The following HPS4 variants were observed in gnomAD, a reference collection of about 807,000 sequenced individuals.
The protein encoded by HPS4 is BLOC-3 complex member HPS4.
HPS4 carries 44 observed loss-of-function variants against 70.3 expected under a neutral mutation model. The ratio of observed to expected loss-of-function variants is 0.63; its 90% confidence interval spans 0.49 to 0.80. The LOEUF (loss-of-function observed/expected upper bound fraction) is 0.80, where lower values mean the gene tolerates loss of function less well. HPS4 is among the 30% of genes least tolerant of loss of function. HPS4 has a pLI of 0.00. For missense variants in HPS4, 873 were observed against 884.4 expected (o/e 0.99, Z 0.16); for synonymous variants, 377 against 355.9 (o/e 1.06, Z -0.67).
At chr22:26,460,394 G>A (rs1244807444) in intron 11 of HPS4, among the ~76,000 whole-genome samples, 3 of 152,216 alleles carry the variant, frequency 2.0e-5, no homozygotes, top group African/African-American at 7.2e-5. Context: ...TGCATGTGCC[G>A]ACACGCACAC....
chr22:26,458,587 G>A lies in HPS4; in HGVS notation c.1714-10C>T. 6.2e-7 allele frequency: 1 copy of A among 1,613,918 alleles called. No homozygotes were observed. Among genetic ancestry groups the A allele is most frequent in the East Asian group, 2.2e-5 (1 of 44,874 alleles). ...CCAGGCTGCTGTGGTACTGCAAAGG[G>A]GGAGAGGGTCATGGGCTTGTAGGGC... is the stretch of plus-strand genomic sequence containing the variant. On this transcript the variant is annotated splice_polypyrimidine_tract_variant and intron_variant, in intron 11 of 13. Transcript: ENST00000398145.
chr22:26,462,293 T>C (rs891855015), intron 11 of HPS4, among the ~76,000 whole-genome samples: 2 of 152,300 alleles, frequency 1.3e-5, no homozygotes, highest in African/African-American at 4.8e-5. Flanking sequence ...GATATGGCCA[T>C]AGAGCACGAG....
intron 2 of HPS4, 120 bp downstream of exon 2, chr22:26,481,602 T>C (rs568987352): frequency 5.3e-6 from 5 of 935,470 alleles, no homozygotes; most frequent in African/African-American, 4.8e-5. Context: ...CTGAGGAAAA[T>C]GGCATTTTTA....
chr22:26,463,187 T>C (rs1165202082), intron 11 of HPS4, among the ~76,000 whole-genome samples: 1 of 152,120 alleles, frequency 6.6e-6, no homozygotes, highest in African/African-American at 2.4e-5. Flanking sequence ...CCAGGGAAGG[T>C]CAGTTTACCA....
downstream of HPS4, among the ~76,000 whole-genome samples, chr22:26,447,140 CCAAT>C (rs779341896): frequency 7.2e-5 from 11 of 152,320 alleles, no homozygotes; most frequent in South Asian, 2.1e-4. Flanking sequence ...CCAGATCTGA[CCAAT>C]CAGTCTTCCA....
chr22:26,478,737 T>G (rs2090932759), intron 3 of HPS4, among the ~76,000 whole-genome samples: 1 of 134,200 alleles, frequency 7.5e-6, no homozygotes, highest in Non-Finnish European at 1.6e-5. Context: ...CAGGCTGGTG[T>G]GCAATGGCGC....
rs2091346013 is a variant in HPS4, at chr22:26,482,178, C to A, written c.-416G>T. The A allele has an allele frequency of 1.7e-5, 4 of 238,078 alleles. No individual in the cohort carries two copies. In the South Asian group the frequency reaches 2.0e-4, roughly 12 times the overall value. 14.7% of individuals were successfully genotyped at this position (238,078 alleles called of 1,614,324 possible). On this transcript the variant is annotated 5_prime_UTR_variant, in exon 2 of 14. Coordinates refer to ENST00000398145, the MANE Select transcript of HPS4 (RefSeq NM_022081.6). ...AAATTTCTAGCTTGTCTAGTTCAAACCCATCCTGAAGACTCTTATTAAACG... is the reference window on the plus strand; with the variant it reads ...AAATTTCTAGCTTGTCTAGTTCAAAACCATCCTGAAGACTCTTATTAAACG...
At chr22:26,462,316 G>A (rs556531691) in intron 11 of HPS4, among the ~76,000 whole-genome samples, 15 of 152,324 alleles carry the variant, frequency 9.8e-5, no homozygotes, top group African/African-American at 3.6e-4. Flanking sequence ...ACAGAAGGCA[G>A]GACACTGACC....
chr22:26,460,631 C>T lies in HPS4; in HGVS notation c.1714-2054G>A, dbSNP rs141495293. 2.6e-5 allele frequency among the ~76,000 whole-genome samples: 4 copies of T among 152,330 alleles called. No individual in the cohort carries two copies. In the East Asian group the frequency reaches 7.7e-4, roughly 29 times the overall value. ...TGCACTCAAGATAGGATCACTTAACCATAAAAACACAGTTAATCACAAGAT... is the reference window on the plus strand; with the variant it reads ...TGCACTCAAGATAGGATCACTTAACTATAAAAACACAGTTAATCACAAGAT... On this transcript the variant is annotated intron_variant, in intron 11 of 13. Transcript: ENST00000398145.
In HPS4 at chr22:26,472,415, A is replaced by G. The variant is rs373900001; in HGVS notation, c.388T>C (p.Cys130Arg). 1.9e-6 allele frequency: 3 copies of G among 1,596,188 alleles called. No homozygotes were observed. Among genetic ancestry groups the G allele is most frequent in the Non-Finnish European group, 2.6e-6 (3 of 1,163,760 alleles). Reference sequence around the variant, plus strand: ...TCCGTGCTCAGTTCTTCCTGAGAACAGTTCTAAAACAGAAAGAGCCTCAGG... The same window carrying G: ...TCCGTGCTCAGTTCTTCCTGAGAACGGTTCTAAAACAGAAAGAGCCTCAGG... ...NGPVSLAYEN[C>R]SQEELSTEWD... The change falls in exon 6 of 14, where the codon TGT becomes CGT. Residue 130 changes from cysteine to arginine, a missense_variant. Transcript: ENST00000398145.
chr22:26,462,262 A>G (rs2087450006), intron 11 of HPS4, among the ~76,000 whole-genome samples: 1 of 152,224 alleles, frequency 6.6e-6, no homozygotes, highest in Non-Finnish European at 1.5e-5. Flanking sequence ...AACAGCATGG[A>G]TAGACCTTGA....
In HPS4 at chr22:26,476,991, A is replaced by G. The variant is rs2090636199; in HGVS notation, c.276+2T>C. ...CAGCACTGATTCTGCCATTCAACTT[A>G]CCCAAAGGTAATCTCCATCAACTTT... is the stretch of plus-strand genomic sequence containing the variant. On this transcript the variant is annotated splice_donor_variant, in intron 4 of 13. Transcript: ENST00000398145. LOFTEE classifies it high-confidence loss of function. 1 of 1,613,930 alleles carries G rather than the reference A, an allele frequency of 6.2e-7. No individual in the cohort carries two copies. Among genetic ancestry groups the G allele is most frequent in the Non-Finnish European group, 8.5e-7 (1 of 1,179,918 alleles).
At chr22:26,468,723 G>C in intron 7 of HPS4, 100 bp from the exon 8 acceptor site, 2 of 1,116,856 alleles carry the variant, frequency 1.8e-6, no homozygotes, top group Non-Finnish European at 2.7e-6. Flanking sequence ...CGAGGATCTT[G>C]GGGACTTGGC....
intron 13 of HPS4, chr22:26,453,681 T>G: frequency 2.0e-6 from 1 of 491,682 alleles, no homozygotes. Flanking sequence ...AAGTATTGCA[T>G]AAAGGAACTG....
intron 1 of HPS4, chr22:26,482,775 A>C (rs968338966): frequency 6.6e-6 from 1 of 152,206 alleles, no homozygotes; most frequent in African/African-American, 2.4e-5. Flanking sequence ...CACCCTCCAG[A>C]GATGCGTGGT....
At chr22:26,467,880 G>A (rs2088979025) in intron 8 of HPS4, 1 of 152,118 alleles carries the variant, frequency 6.6e-6, no homozygotes, top group Non-Finnish European at 1.5e-5. Flanking sequence ...TTTTAGAAGA[G>A]TTTGTTTTCC....
intron 6 of HPS4, 105 bp downstream of exon 6, chr22:26,472,197 C>T: frequency 1.2e-6 from 1 of 813,358 alleles, no homozygotes; most frequent in Admixed American, 1.7e-5. Context: ...TGAGAAGTGA[C>T]ATTCTACTCA....
downstream of HPS4, chr22:26,444,071 G>A (rs1253205380): frequency 6.6e-6 from 1 of 152,238 alleles, no homozygotes; most frequent in Non-Finnish European, 1.5e-5. Context: ...TGAGTCCACA[G>A]TGATGAACGT....
At chr22:26,443,977 C>T (rs533171029), downstream of HPS4, 10 of 152,352 alleles carry the variant, frequency 6.6e-5, no homozygotes, top group Non-Finnish European at 1.0e-4. Context: ...AGATCAGCCA[C>T]GGAACGTGTG....
Sources: gnomAD v4.1 joint callset for allele counts (sites outside exome capture counted in the v4.1 genomes callset) on GRCh38, gnomAD v4.1.1 for gene constraint, MANE v1.5 for transcripts, NCBI Gene and HGNC (gene_info 2026-07-23, HGNC 2026-07-21) for gene names.